PTCD3: variants seen among roughly 807,000 people sequenced by gnomAD.
PTCD3 encodes the protein small ribosomal subunit protein mS39.
In PTCD3, 89 loss-of-function variants were observed where a neutral mutation model predicts 101.9. That is an observed-to-expected ratio of 0.87 (90% CI 0.74 to 1.04). The LOEUF (loss-of-function observed/expected upper bound fraction) is 1.04, where lower values mean the gene tolerates loss of function less well. PTCD3 is among the 50% of genes least tolerant of loss of function. PTCD3 has a pLI of 0.00. For missense variants in PTCD3, 870 were observed against 828.2 expected, an observed-to-expected ratio of 1.05 and a Z score of -0.62; for synonymous variants, 296 against 278.5, an observed-to-expected ratio of 1.06 and a Z score of -0.63.
In PTCD3 at chr2:86,109,622, T is replaced by C. The variant is rs75625479; in HGVS notation, c.194+1086T>C. 9.1e-3 allele frequency among the ~76,000 whole-genome samples: 1,378 copies of C among 152,248 alleles called. 18 individuals carry two copies. Among genetic ancestry groups the C allele is most frequent in the African/African-American group, 0.031 (1,302 of 41,528 alleles). ...TTATGGGACAGTAAATTGGAACAGC[T>C]CTTTGGAGGGAAATTTGGCAGAATC... is the stretch of plus-strand genomic sequence containing the variant. On this transcript the variant is annotated intron_variant, in intron 3 of 23. Coordinates refer to ENST00000254630, the MANE Select transcript of PTCD3 (RefSeq NM_017952.6).
chr2:86,107,757 C>T (rs1379666943), intron 1 of PTCD3, among the ~76,000 whole-genome samples: 1 of 152,072 alleles, frequency 6.6e-6, no homozygotes, highest in African/African-American at 2.4e-5. Flanking sequence ...GGTCATCTTC[C>T]CTATGTTGTA....
In PTCD3 at chr2:86,125,841, G is replaced by A. The variant is rs779541552; in HGVS notation, c.912G>A (p.Ala304=). 1.8e-5 allele frequency: 29 copies of A among 1,609,014 alleles called. No individual in the cohort carries two copies. The highest frequency in any genetic ancestry group is 2.2e-5 in the East Asian group (1 of 44,866). ...FNALIEATVC[A]INEKFEEKWS... is the part of the protein sequence containing the mutation. ...CATTGATTGAAGCAACAGTATGTGC[G>A]ATAAATGAGAAATTTGAGGAAAAAT... Residue 304 remains alanine (A), a synonymous_variant, in exon 12 of 24, where the codon GCG becomes GCA. Coordinates refer to ENST00000254630, the MANE Select transcript of PTCD3 (RefSeq NM_017952.6).
intron 19 of PTCD3, among the ~76,000 whole-genome samples, chr2:86,133,988 C>G (rs1217187047): frequency 2.0e-5 from 3 of 152,250 alleles, no homozygotes; most frequent in African/African-American, 7.2e-5. Flanking sequence ...CACGACTGCT[C>G]TAATGAGTGA....
chr2:86,125,713 T>C, intron 11 of PTCD3, 82 bp from the exon 12 acceptor site: 2 of 1,124,458 alleles, frequency 1.8e-6, no homozygotes, highest in Admixed American at 2.1e-5. Context: ...AAGGGACACA[T>C]AGGAATGACT....
intron 9 of PTCD3, 76 bp from the exon 10 acceptor site, chr2:86,124,919 A>G: frequency 6.4e-7 from 1 of 1,563,900 alleles, no homozygotes; most frequent in Non-Finnish European, 8.7e-7. Context: ...AGAACATAAT[A>G]AACCGTCAGT....
chr2:86,108,937 A>G (rs1674021491), intron 3 of PTCD3: 1 of 169,710 alleles, frequency 5.9e-6, no homozygotes, highest in Non-Finnish European at 1.2e-5. Context: ...GGACAGCAAA[A>G]TTTAGCTTTT....
At chr2:86,119,150 A>C (rs1674235733) in intron 7 of PTCD3, 106 bp downstream of exon 7, 1 of 1,412,216 alleles carries the variant, frequency 7.1e-7, no homozygotes, top group Admixed American at 2.3e-5. Context: ...TGCTGTACTT[A>C]CTCTGCTTTG....
At chr2:86,127,690 A>G (rs1003240591) in intron 13 of PTCD3, 21 of 513,384 alleles carry the variant, frequency 4.1e-5, no homozygotes, top group Admixed American at 7.3e-5. Context: ...ACTTCAATAT[A>G]TTTTACTGTT....
intron 4 of PTCD3, among the ~76,000 whole-genome samples, chr2:86,116,237 A>G (rs1395334200): frequency 1.3e-5 from 2 of 152,258 alleles, no homozygotes; most frequent in African/African-American, 4.8e-5. Context: ...TTAAAAATTT[A>G]GCTAGAAAGA....
Position 86,138,263 on chromosome 2 carries a change from T to C in PTCD3, c.*704T>C, listed in dbSNP as rs901150240. The stretch of plus-strand genomic sequence containing the variant: ...CTATTTTAGTGGTTGAAATGAGAGC[T>C]AGTGATGACAGAAGGATGTGGAATG... On this transcript the variant is annotated 3_prime_UTR_variant, in exon 24 of 24. Transcript: ENST00000254630. 3.3e-5 allele frequency: 5 copies of C among 152,274 alleles called. No individual in the cohort carries two copies. The highest frequency in any genetic ancestry group is 7.3e-5 in the Non-Finnish European group (5 of 68,098). 9.4% of individuals were successfully genotyped at this position (152,274 alleles called of 1,614,324 possible).
chr2:86,127,649 C>A (rs1420695194), intron 13 of PTCD3: 1 of 467,632 alleles, frequency 2.1e-6, no homozygotes, highest in Non-Finnish European at 3.8e-6. Context: ...TCATTAATTA[C>A]TTTATTGAAA....
At position 86,127,209 on chromosome 2, in the gene PTCD3, AC is replaced by A. The variant is rs1674412441; in HGVS notation, c.1001del (p.Thr334IlefsTer6). On this transcript the variant is annotated frameshift_variant, in exon 13 of 24. Coordinates refer to ENST00000254630, the MANE Select transcript of PTCD3 (RefSeq NM_017952.6). LOFTEE classifies it high-confidence loss of function. ...ACAGAAGGTGAAACCAAATCTTCAG[AC>A]TTTTAATACCATTCTGAAATGTCTC... Reference protein sequence around the residue: ...VAQKVKPNLQTFNTILKCLRR... With the variant: ...VAQKVKPNLQXFNTILKCLRR... 1 of 1,613,674 alleles carries A rather than the reference AC, an allele frequency of 6.2e-7. No individual in the cohort carries two copies. The highest frequency in any genetic ancestry group is 1.1e-5 in the South Asian group (1 of 91,048).
chr2:86,116,869 G>T (rs532629480), intron 5 of PTCD3, among the ~76,000 whole-genome samples, 186 bp from the exon 6 acceptor site: 12 of 152,270 alleles, frequency 7.9e-5, no homozygotes, highest in Non-Finnish European at 1.5e-4. Flanking sequence ...TTCAAGCTGT[G>T]TATAAGATGC....
chr2:86,136,599 C>T lies in PTCD3; in HGVS notation c.1820+37C>T, dbSNP rs1194287944. ...TCAGCCAGCTCTCTTTGGGTACAGCCTGGAAGTAGCCACATTTGGAATTTC... is the reference window on the plus strand; with the variant it reads ...TCAGCCAGCTCTCTTTGGGTACAGCTTGGAAGTAGCCACATTTGGAATTTC... On this transcript the variant is annotated intron_variant, in intron 22 of 23. Coordinates refer to ENST00000254630, the MANE Select transcript of PTCD3 (RefSeq NM_017952.6). 2.5e-6 allele frequency: 4 copies of T among 1,585,536 alleles called. No homozygotes were observed. The South Asian group carries it at 3.3e-5, about 13-fold the overall frequency.
intron 4 of PTCD3, among the ~76,000 whole-genome samples, chr2:86,114,880 T>C (rs563301152): frequency 6.6e-6 from 1 of 152,308 alleles, no homozygotes; most frequent in Admixed American, 6.5e-5. Flanking sequence ...AAAAGACCTC[T>C]CCAGAAGATT....
chr2:86,119,366 T>A (rs1045353248), intron 7 of PTCD3, among the ~76,000 whole-genome samples: 1 of 151,850 alleles, frequency 6.6e-6, no homozygotes, highest in African/African-American at 2.4e-5. Flanking sequence ...TTTCCTTTTT[T>A]TTTTTTTTGA....
intron 12 of PTCD3, among the ~76,000 whole-genome samples, chr2:86,126,837 CAAA>C (rs1001983868): frequency 8.2e-6 from 1 of 122,316 alleles, no homozygotes. Context: ...AACTTTGTCT[CAAA>C]AAAAAAAAAA....
chr2:86,125,751 G>A (rs1292509238), intron 11 of PTCD3, 44 bp from the exon 12 acceptor site: 2 of 1,433,870 alleles, frequency 1.4e-6, no homozygotes, highest in African/African-American at 2.8e-5. Flanking sequence ...GCCATTTAGG[G>A]ATTAATCTTC....
In PTCD3 at chr2:86,133,089, CATATA is replaced by C. The variant is rs539531848; in HGVS notation, c.1374-84_1374-80del. 2.6e-4 allele frequency: 387 copies of C among 1,493,724 alleles called. No individual in the cohort carries two copies. In the African/African-American group the frequency reaches 5.0e-3, roughly 19 times the overall value. The allele number at this position is 1,493,724 out of a possible 1,614,324, so 92.5% of individuals were successfully genotyped here. The stretch of plus-strand genomic sequence containing the variant: ...GTAAGTATTTTGAAATTCTTTGTAA[CATATA>C]ATATGCTATAATTTCAACCCTTATT... On this transcript the variant is annotated intron_variant, in intron 17 of 23. Transcript: ENST00000254630.
Sources: allele counts gnomAD v4.1 joint callset (sites outside exome capture counted in the v4.1 genomes callset), GRCh38; gene constraint gnomAD v4.1.1; transcripts MANE v1.5; gene names NCBI Gene and HGNC (gene_info 2026-07-23, HGNC 2026-07-21).